The following FSTL4 variants were observed in gnomAD, a reference collection of about 807,000 sequenced individuals.
FSTL4 encodes the protein follistatin-related protein 4.
In FSTL4, 28 loss-of-function variants were observed where a neutral mutation model predicts 78.2. That is an observed-to-expected ratio of 0.36 (90% CI 0.27 to 0.49). The LOEUF (loss-of-function observed/expected upper bound fraction) is 0.49. FSTL4 is among the 20% of genes least tolerant of loss of function. The pLI, the probability that FSTL4 is intolerant of heterozygous loss-of-function variation, is 0.98. For missense variants in FSTL4, 922 were observed against 1,084.9 expected (o/e 0.85, Z 2.11); for synonymous variants, 422 against 440.5 (o/e 0.96, Z 0.53).
chr5:133,767,656 C>G, the FSTL4 span, among the ~76,000 whole-genome samples: 1 of 152,188 alleles, frequency 6.6e-6, no homozygotes, highest in Admixed American at 6.5e-5. Context: ...GATTCTGTAA[C>G]TATCCAGAAG....
At chr5:133,628,780 T>TA in the FSTL4 span, among the ~76,000 whole-genome samples, 1 of 152,140 alleles carries the variant, frequency 6.6e-6, no homozygotes, top group East Asian at 1.9e-4. Context: ...AAGAAATGAA[T>TA]AAAAAAATAA....
the FSTL4 span, among the ~76,000 whole-genome samples, chr5:133,741,204 C>G: frequency 6.6e-6 from 1 of 152,154 alleles, no homozygotes. Flanking sequence ...AAACCATATT[C>G]CCGGAAGCAG....
At chr5:133,737,089 C>A in the FSTL4 span, among the ~76,000 whole-genome samples, 4 of 152,150 alleles carry the variant, frequency 2.6e-5, no homozygotes, top group South Asian at 8.3e-4. Flanking sequence ...CAATTATGTT[C>A]TTTAAATTAT....
At chr5:133,513,792 CA>C (rs371575870) in intron 3 of FSTL4, among the ~76,000 whole-genome samples, 43 of 152,230 alleles carry the variant, frequency 2.8e-4, no homozygotes, top group African/African-American at 1.0e-3. Context: ...TTGCGACAAA[CA>C]GAACATTATC....
At chr5:133,374,138 C>A (rs28620170) in intron 4 of FSTL4, among the ~76,000 whole-genome samples, 2,353 of 152,306 alleles carry the variant, frequency 0.015, 62 homozygotes, top group African/African-American at 0.053. Flanking sequence ...CTCCTGCCCC[C>A]TCCCCTGGCT....
At chr5:133,408,544 A>G (rs961031418) in intron 3 of FSTL4, among the ~76,000 whole-genome samples, 3 of 124,882 alleles carry the variant, frequency 2.4e-5, no homozygotes, top group African/African-American at 9.1e-5. Context: ...CGAGCTGAGG[A>G]TGCAGCTCCT....
intron 3 of FSTL4, among the ~76,000 whole-genome samples, chr5:133,483,653 C>T (rs564414649): frequency 2.0e-5 from 3 of 152,324 alleles, no homozygotes; most frequent in South Asian, 4.1e-4. Flanking sequence ...TTTGGTGCTT[C>T]GGAGCTTCTC....
chr5:133,507,222 A>T (rs868616241), intron 3 of FSTL4, among the ~76,000 whole-genome samples: 6 of 152,252 alleles, frequency 3.9e-5, no homozygotes, highest in African/African-American at 1.4e-4. Flanking sequence ...TAAAATAAAT[A>T]AAATAAAATA....
At chr5:133,658,623 T>C in the FSTL4 span, among the ~76,000 whole-genome samples, 2 of 152,150 alleles carry the variant, frequency 1.3e-5, no homozygotes, top group African/African-American at 4.8e-5. Context: ...TTTCTCTGCA[T>C]TTATTAATTT....
At chr5:133,578,939 T>C (rs1240990998) in intron 2 of FSTL4, among the ~76,000 whole-genome samples, 1 of 152,222 alleles carries the variant, frequency 6.6e-6, no homozygotes, top group Non-Finnish European at 1.5e-5. Context: ...CTTTTTGATT[T>C]GGAAAGTAAT....
rs528323281 is a variant in FSTL4 at position 133,590,213 on chromosome 5, G to A, written c.126+13645C>T. 6.6e-5 allele frequency among the ~76,000 whole-genome samples: 10 copies of A among 152,180 alleles called. No homozygotes were observed. The East Asian group carries it at 1.9e-3, about 29-fold the overall frequency. On this transcript the variant is annotated intron_variant, in intron 2 of 15. Coordinates refer to ENST00000265342, the MANE Select transcript of FSTL4 (RefSeq NM_015082.2). ...TTATTCTTATAAGAGAAGGATAAGA[G>A]GAGCCATTCAGACTTCCAGCCCAGA...
the FSTL4 span, among the ~76,000 whole-genome samples, chr5:133,762,436 AG>A: frequency 1.4e-3 from 207 of 152,364 alleles, no homozygotes; most frequent in Middle Eastern, 0.027. Flanking sequence ...CCCAGAACAT[AG>A]ACTATAAAGT....
intron 6 of FSTL4, among the ~76,000 whole-genome samples, chr5:133,295,839 C>T (rs1753383244): frequency 6.6e-6 from 1 of 152,196 alleles, no homozygotes; most frequent in Non-Finnish European, 1.5e-5. Context: ...CACTCCTCTT[C>T]CTGACCTCTT....
chr5:133,505,987 C>T (rs1758604752), intron 3 of FSTL4, among the ~76,000 whole-genome samples: 1 of 152,134 alleles, frequency 6.6e-6, no homozygotes, highest in Admixed American at 6.5e-5. Flanking sequence ...CTATAGAATC[C>T]CAGACAGTGG....
the FSTL4 span, among the ~76,000 whole-genome samples, chr5:133,669,540 CCAG>C: frequency 0.013 from 2,007 of 152,328 alleles, 51 homozygotes; most frequent in African/African-American, 0.046. Flanking sequence ...TGCCCTGCCC[CCAG>C]CAGCTCGGCT....
chr5:133,299,260 G>C (rs1466049547), intron 6 of FSTL4, among the ~76,000 whole-genome samples: 2 of 152,196 alleles, frequency 1.3e-5, no homozygotes, highest in African/African-American at 4.8e-5. Flanking sequence ...ACACATGAGT[G>C]TGAAGGCTCA....
At chr5:133,221,108 G>A (rs1561626102) in intron 11 of FSTL4, 3 of 589,860 alleles carry the variant, frequency 5.1e-6, no homozygotes, top group Non-Finnish European at 9.2e-6. Context: ...GCTGCCCTAA[G>A]TCATCTAGAG....
chr5:133,319,632 A>C (rs1173167764), intron 4 of FSTL4, among the ~76,000 whole-genome samples: 1 of 152,194 alleles, frequency 6.6e-6, no homozygotes, highest in African/African-American at 2.4e-5. Flanking sequence ...GCAGTGGGAC[A>C]ACCCAGGCAG....
intron 2 of FSTL4, among the ~76,000 whole-genome samples, chr5:133,570,306 A>G (rs1760125323): frequency 6.6e-6 from 1 of 152,104 alleles, no homozygotes; most frequent in Admixed American, 6.5e-5. Context: ...TTAAATAAAA[A>G]TAGGATTATC....
Sources: gnomAD v4.1 joint callset for allele counts (sites outside exome capture counted in the v4.1 genomes callset) on GRCh38, gnomAD v4.1.1 for gene constraint, MANE v1.5 for transcripts, NCBI Gene and HGNC (gene_info 2026-07-23, HGNC 2026-07-21) for gene names.